The following SCYL2 variants were observed in gnomAD, a reference collection of about 807,000 sequenced individuals.
SCYL2 encodes SCY1 like pseudokinase 2.
SCYL2 carries 36 observed loss-of-function variants against 100.4 expected under a neutral mutation model. The observed-to-expected ratio is 0.36, with a 90% CI of 0.27 to 0.47. The LOEUF (loss-of-function observed/expected upper bound fraction) is 0.47. Among genes scored for constraint, SCYL2 ranks in the 20% least tolerant of loss-of-function variants. SCYL2 has a pLI of 1.00. For synonymous variants in SCYL2, 330 were observed against 359.2 expected, an observed-to-expected ratio of 0.92 and a Z score of 0.92; for missense variants, 902 against 1,083.9, an observed-to-expected ratio of 0.83 and a Z score of 2.36.
intron 4 of SCYL2, among the ~76,000 whole-genome samples, chr12:100,306,249 C>T (rs2096334213): frequency 6.6e-6 from 1 of 152,130 alleles, no homozygotes; most frequent in Non-Finnish European, 1.5e-5. Context: ...ATGCAAAAAT[C>T]CTCAATAAAA....
Position 100,340,730 on chromosome 12 carries a change from T to C in SCYL2, c.*1558T>C, listed in dbSNP as rs570961805. Reference sequence around the variant, plus strand: ...TCAGCTTTCACATCTGATTTCTGTATGGGCTGTACTTGGTTAACTTGATTT... The same window carrying C: ...TCAGCTTTCACATCTGATTTCTGTACGGGCTGTACTTGGTTAACTTGATTT... On this transcript the variant is annotated 3_prime_UTR_variant, in exon 18 of 18. Coordinates refer to ENST00000360820, the MANE Select transcript of SCYL2 (RefSeq NM_017988.6). 2.5e-4 allele frequency: 38 copies of C among 152,212 alleles called. No homozygotes were observed. Among genetic ancestry groups the C allele is most frequent in the Non-Finnish European group, 4.3e-4 (29 of 67,920 alleles). The allele number at this position is 152,212 out of a possible 1,614,324, so 9.4% of individuals were successfully genotyped here. A position where few individuals can be genotyped will look rare whatever the true frequency, so the allele number is the denominator to read the frequency against.
intron 13 of SCYL2, among the ~76,000 whole-genome samples, chr12:100,331,492 A>G (rs1190096662): frequency 6.6e-6 from 1 of 152,116 alleles, no homozygotes; most frequent in Non-Finnish European, 1.5e-5. Flanking sequence ...CTGTAGTCCC[A>G]GCTACCAGAG....
chr12:100,285,199 A>G (rs2096303173), intron 2 of SCYL2, among the ~76,000 whole-genome samples: 2 of 152,200 alleles, frequency 1.3e-5, no homozygotes, highest in Admixed American at 1.3e-4. Flanking sequence ...TCCTGTCATT[A>G]TCCCTAACCC....
chr12:100,303,255 G>A (rs1313511502), intron 4 of SCYL2, among the ~76,000 whole-genome samples: 1 of 151,990 alleles, frequency 6.6e-6, no homozygotes, highest in African/African-American at 2.4e-5. Context: ...CTGTCAATTC[G>A]TCAAACTTAT....
chr12:100,341,428 C>T lies in SCYL2; in HGVS notation c.*2256C>T, dbSNP rs1024984205. On this transcript the variant is annotated 3_prime_UTR_variant, in exon 18 of 18. Transcript: ENST00000360820. ...TCAACAGAATCTACAAAAAAGATTC[C>T]CTTGCATTTGAATTAGTTCTCTATT... is the stretch of plus-strand genomic sequence containing the variant. 3.3e-5 allele frequency: 5 copies of T among 152,024 alleles called. No homozygotes were observed. Among genetic ancestry groups the T allele is most frequent in the Non-Finnish European group, 7.4e-5 (5 of 67,974 alleles). 9.4% of individuals were successfully genotyped at this position (152,024 alleles called of 1,614,324 possible).
In SCYL2 at chr12:100,335,626, T is replaced by A. The variant is rs907163780; in HGVS notation, c.1864T>A (p.Ser622Thr). The A allele has an allele frequency of 1.3e-6, 2 of 1,594,754 alleles. No homozygotes were observed. The highest frequency in any genetic ancestry group is 1.7e-6 in the Non-Finnish European group (2 of 1,165,536). ...QLHIMQEQQK[S>T]LDIGNQMNVS... Reference sequence around the variant, plus strand: ...TATCATAATTCAACTCTCCTACAGATCTTTGGATATAGGAAATCAAATGAA... The same window carrying A: ...TATCATAATTCAACTCTCCTACAGAACTTTGGATATAGGAAATCAAATGAA... The change falls in exon 15 of 18, where the codon TCT becomes ACT. Residue 622 changes from serine (S) to threonine (T), a missense_variant and splice_region_variant. Transcript: ENST00000360820.
At chr12:100,332,173 C>A (rs973780157) in intron 13 of SCYL2, among the ~76,000 whole-genome samples, 1 of 152,172 alleles carries the variant, frequency 6.6e-6, no homozygotes, top group South Asian at 2.1e-4. Context: ...TGTGGTTATA[C>A]ATGTGAAATG....
At chr12:100,294,688 G>A (rs1368419542) in intron 3 of SCYL2, among the ~76,000 whole-genome samples, 18 of 131,462 alleles carry the variant, frequency 1.4e-4, no homozygotes, top group Admixed American at 1.1e-3. Flanking sequence ...GTGGCTGGCC[G>A]GGCGGGGGGC....
chr12:100,318,882 G>A (rs920452969), intron 10 of SCYL2, among the ~76,000 whole-genome samples: 1 of 152,144 alleles, frequency 6.6e-6, no homozygotes, highest in Non-Finnish European at 1.5e-5. Context: ...TGTTAGTTTT[G>A]TAGTCTTTGC....
chr12:100,323,462 T>G, intron 10 of SCYL2, 63 bp from the exon 11 acceptor site: 1 of 981,860 alleles, frequency 1.0e-6, no homozygotes, highest in Non-Finnish European at 1.6e-6. Context: ...TGCAAAACTT[T>G]GTAATATCAG....
chr12:100,289,545 A>G (rs1283334063), intron 2 of SCYL2, among the ~76,000 whole-genome samples: 1 of 152,214 alleles, frequency 6.6e-6, no homozygotes, highest in African/African-American at 2.4e-5. Context: ...TATTTCTATT[A>G]TATAAATAGT....
intron 12 of SCYL2, among the ~76,000 whole-genome samples, chr12:100,328,395 G>A (rs1251259046): frequency 6.6e-6 from 1 of 152,214 alleles, no homozygotes; most frequent in African/African-American, 2.4e-5. Context: ...CAATGAGGAT[G>A]AGACTAACGT....
At position 100,313,442 on chromosome 12, in the gene SCYL2, T is replaced by A; in HGVS notation, c.873T>A (p.Ser291Arg). 6.3e-7 allele frequency: 1 copy of A among 1,591,102 alleles called. No individual in the cohort carries two copies. Among genetic ancestry groups the A allele is most frequent in the Non-Finnish European group, 8.6e-7 (1 of 1,160,506 alleles). ...QLDQLSRLGSSSLTNIPEEVR... is the reference protein window; with the variant it reads ...QLDQLSRLGSRSLTNIPEEVR... ...AATAGTTGAGTCGTTTAGGATCTAG[T>A]TCACTTACAAATATACCTGAGGAAG... Residue 291 changes from serine to arginine, a missense_variant, in exon 7 of 18, where the codon AGT becomes AGA. Coordinates refer to ENST00000360820, the MANE Select transcript of SCYL2 (RefSeq NM_017988.6).
At chr12:100,318,069 T>C in intron 10 of SCYL2, 144 bp downstream of exon 10, 3 of 709,834 alleles carry the variant, frequency 4.2e-6, no homozygotes, top group South Asian at 6.5e-5. Flanking sequence ...ATTATTGATA[T>C]ACTGTAACTA....
intron 3 of SCYL2, among the ~76,000 whole-genome samples, chr12:100,297,739 C>A (rs1000015151): frequency 4.0e-5 from 6 of 151,180 alleles, no homozygotes; most frequent in African/African-American, 1.5e-4. Context: ...ATCATTTGAA[C>A]AAGGTGGTTG....
chr12:100,281,409 A>G lies in SCYL2; in HGVS notation c.-28-1534A>G, dbSNP rs541308853. Among the ~76,000 whole-genome samples the G allele has an allele frequency of 1.6e-4, 25 of 152,226 alleles. 1 individual carries two copies. The South Asian group carries it at 3.5e-3, about 22-fold the overall frequency. On this transcript the variant is annotated intron_variant, in intron 1 of 17. Transcript: ENST00000360820. ...TTTTTATAAAATACCAATTTGGGCT[A>G]GGTGTGGTGGCTTATTTATGCCTGT...
intron 12 of SCYL2, among the ~76,000 whole-genome samples, chr12:100,328,682 T>C (rs1056003724): frequency 1.3e-5 from 2 of 152,192 alleles, no homozygotes; most frequent in African/African-American, 4.8e-5. Flanking sequence ...GTCTTGAAGA[T>C]TGAGTAAATA....
At chr12:100,318,981 T>C (rs10860578) in intron 10 of SCYL2, among the ~76,000 whole-genome samples, 27,462 of 152,202 alleles carry the variant, frequency 0.18, 2,711 homozygotes, top group Non-Finnish European at 0.21. Context: ...ACTTTGAAAA[T>C]ACATACTTAT....
intron 10 of SCYL2, among the ~76,000 whole-genome samples, chr12:100,322,791 C>G (rs540854006): frequency 6.7e-6 from 1 of 149,500 alleles, no homozygotes; most frequent in Non-Finnish European, 1.5e-5. Flanking sequence ...ACCCGGGAGG[C>G]GGAGGATTCT....
Sources: allele counts gnomAD v4.1 joint callset (sites outside exome capture counted in the v4.1 genomes callset), GRCh38; gene constraint gnomAD v4.1.1; transcripts MANE v1.5; gene names NCBI Gene and HGNC (gene_info 2026-07-23, HGNC 2026-07-21).